Variants in GGA2 observed in about 807,000 individuals in gnomAD.
The protein encoded by GGA2 is golgi associated, gamma adaptin ear containing, ARF binding protein 2, also known as ADP-ribosylation factor-binding protein GGA2.
In GGA2, 48 loss-of-function variants were observed where a neutral mutation model predicts 79.5. The observed-to-expected ratio is 0.60, with a 90% CI of 0.48 to 0.77. GGA2 has a LOEUF of 0.77. Among genes scored for constraint, GGA2 ranks in the 30% least tolerant of loss-of-function variants. The probability of loss-of-function intolerance (pLI) is 0.00; values close to 1 mark genes in which losing one functional copy is unlikely to be tolerated. For missense variants in GGA2, 770 were observed against 774.0 expected (o/e 0.99, Z 0.06); for synonymous variants, 317 against 302.0 (o/e 1.05, Z -0.51).
chr16:23,491,567 G>T, intron 5 of GGA2, 110 bp downstream of exon 5: 2 of 788,694 alleles, frequency 2.5e-6, no homozygotes, highest in Non-Finnish European at 2.0e-6. Flanking sequence ...CAGTGTCTAT[G>T]GTCCTACATA....
chr16:23,464,993 T>C lies in GGA2; in HGVS notation c.*2597A>G, dbSNP rs1464386060. 2 of 292,422 alleles carry C rather than the reference T, an allele frequency of 6.8e-6. No individual in the cohort carries two copies. Among genetic ancestry groups the C allele is most frequent in the Admixed American group, 9.5e-5 (2 of 21,120 alleles). The allele number at this position is 292,422 out of a possible 1,614,324, so 18.1% of individuals were successfully genotyped here. A position where few individuals can be genotyped will look rare whatever the true frequency, so the allele number is the denominator to read the frequency against. ...GAAAAAGAGCAGTCACGGAGGTAGG[T>C]CACGAAATGGGTCAACAGGACCCCC... is the stretch of plus-strand genomic sequence containing the variant. On this transcript the variant is annotated 3_prime_UTR_variant, in exon 17 of 17. Transcript: ENST00000309859.
In GGA2 at chr16:23,463,553, G is replaced by C. The variant is rs969192256; in HGVS notation, c.*4037C>G. On this transcript the variant is annotated 3_prime_UTR_variant, in exon 17 of 17. Transcript: ENST00000309859. ...GACGACACTGAGCATAAAAAAATAA[G>C]GTTTTATTTTCAGCTGATTTTAGAA... is the stretch of plus-strand genomic sequence containing the variant. The C allele has an allele frequency of 2.6e-5, 4 of 152,082 alleles. No homozygotes were observed. Among genetic ancestry groups the C allele is most frequent in the Non-Finnish European group, 5.9e-5 (4 of 68,002 alleles). 9.4% of individuals were successfully genotyped at this position (152,082 alleles called of 1,614,324 possible).
chr16:23,503,737 A>G (rs567939109), intron 1 of GGA2, among the ~76,000 whole-genome samples: 2 of 152,230 alleles, frequency 1.3e-5, no homozygotes, highest in East Asian at 3.9e-4. Context: ...CTATGGGGGG[A>G]AAAAAGATTT....
At chr16:23,472,975 G>C (rs1212128678) in intron 14 of GGA2, among the ~76,000 whole-genome samples, 3 of 146,910 alleles carry the variant, frequency 2.0e-5, no homozygotes, top group African/African-American at 7.5e-5. Flanking sequence ...GAAGCTTGCA[G>C]TGAGCCGAGA....
rs1410742107 is a variant in GGA2, at chr16:23,490,819, ATGTC to A, written c.475+854_475+857del. Among the ~76,000 whole-genome samples, 6 of 152,232 alleles carry A rather than the reference ATGTC, an allele frequency of 3.9e-5. No homozygotes were observed. The East Asian group carries it at 1.2e-3, about 29-fold the overall frequency. On this transcript the variant is annotated intron_variant, in intron 5 of 16. Transcript: ENST00000309859. The stretch of plus-strand genomic sequence containing the variant: ...ATCTTTTGTAACTATAAAATATTTT[ATGTC>A]TGCACGTTGTTACTTTTATCACAAT...
intron 1 of GGA2, among the ~76,000 whole-genome samples, chr16:23,496,714 T>TG: frequency 6.6e-6 from 1 of 152,208 alleles, no homozygotes; most frequent in South Asian, 2.1e-4. Context: ...CCCAGCACTT[T>TG]GGGAAGCCGA....
intron 16 of GGA2, 61 bp from the exon 17 acceptor site, chr16:23,467,761 A>T: frequency 1.2e-6 from 1 of 816,188 alleles, no homozygotes. Flanking sequence ...ACAGGGGTCA[A>T]TGTTAAGTCA....
chr16:23,493,456 C>T lies in GGA2; in HGVS notation c.255G>A (p.Val85=). ...QEKEALYALT[V]LEMCMNHCGE... ...CACAGTGGTTCATGCACATCTCCAGCACCTGCACAGACACAGGACCCCCAG... is the reference window on the plus strand; with the variant it reads ...CACAGTGGTTCATGCACATCTCCAGTACCTGCACAGACACAGGACCCCCAG... The change falls in exon 4 of 17, where the codon GTG becomes GTA. Residue 85 remains valine, a splice_region_variant and synonymous_variant. Transcript: ENST00000309859. 1 of 1,600,658 alleles carries T rather than the reference C, an allele frequency of 6.2e-7. No homozygotes were observed. The highest frequency in any genetic ancestry group is 8.6e-7 in the Non-Finnish European group (1 of 1,167,704).
intron 1 of GGA2, among the ~76,000 whole-genome samples, chr16:23,503,601 C>T (rs144833002): frequency 2.8e-4 from 43 of 152,158 alleles, no homozygotes; most frequent in African/African-American, 9.6e-4. Context: ...ATCTATTATC[C>T]CATCATTGTT....
Position 23,474,993 on chromosome 16 carries a change from G to A in GGA2, c.1361C>T (p.Ser454Phe), listed in dbSNP as rs1242476354. ...AGGAGCCAACGGGCCAGCCTCCCAGGACCAACCTGGAGAGGACTTAGTACC... is the reference window on the plus strand; with the variant it reads ...AGGAGCCAACGGGCCAGCCTCCCAGAACCAACCTGGAGAGGACTTAGTACC... ...PPGTKSSPGW[S>F]WEAGPLAPSP... is the part of the protein sequence containing the mutation. Residue 454 changes from serine (S) to phenylalanine (F), a missense_variant, in exon 14 of 17, where the codon TCC becomes TTC. Transcript: ENST00000309859. 6.2e-7 allele frequency: 1 copy of A among 1,611,096 alleles called. No homozygotes were observed. Among genetic ancestry groups the A allele is most frequent in the Admixed American group, 1.7e-5 (1 of 59,976 alleles).
Position 23,467,644 on chromosome 16 carries a change from G to A in GGA2, c.1788C>T (p.Ser596=), listed in dbSNP as rs752882262. ...LTFNQGGQPF[S]EVGEVKDFPD... Reference sequence around the variant, plus strand: ...GGAAGTCTTTCACTTCTCCTACTTCGCTGAAAGGCTGTCCACCTTGGTTGA... The same window carrying A: ...GGAAGTCTTTCACTTCTCCTACTTCACTGAAAGGCTGTCCACCTTGGTTGA... Residue 596 remains serine, a synonymous_variant, in exon 17 of 17, where the codon AGC becomes AGT. Coordinates refer to ENST00000309859, the MANE Select transcript of GGA2 (RefSeq NM_015044.4). 8 of 1,609,756 alleles carry A rather than the reference G, an allele frequency of 5.0e-6. No homozygotes were observed. Among genetic ancestry groups the A allele is most frequent in the South Asian group, 1.1e-5 (1 of 90,888 alleles).
At chr16:23,491,107 T>TTG (rs907272872) in intron 5 of GGA2, among the ~76,000 whole-genome samples, 4 of 151,236 alleles carry the variant, frequency 2.6e-5, no homozygotes, top group African/African-American at 7.3e-5. Context: ...GTGTGTGTGT[T>TTG]TGTGTGTGTG....
At chr16:23,480,237 G>A in intron 10 of GGA2, 1 of 326,784 alleles carries the variant, frequency 3.1e-6, no homozygotes, top group Non-Finnish European at 5.8e-6. Flanking sequence ...CACACCTCCA[G>A]GCCCAGCTCC....
chr16:23,517,941 T>C (rs542474158), intron 2 of GGA2, among the ~76,000 whole-genome samples: 5 of 151,044 alleles, frequency 3.3e-5, no homozygotes, highest in Admixed American at 6.6e-5. Context: ...TTTTTTGAGA[T>C]GGAGTCTGTC....
In GGA2 at chr16:23,488,721, A is replaced by G. The variant is rs188024837; in HGVS notation, c.476-12T>C. On this transcript the variant is annotated splice_polypyrimidine_tract_variant and intron_variant, in intron 5 of 16. Coordinates refer to ENST00000309859, the MANE Select transcript of GGA2 (RefSeq NM_015044.4). The stretch of plus-strand genomic sequence containing the variant: ...TTGTTTTATAATTCCTAAAAATGCA[A>G]TTTACAAAGTTAAGACACCGATATG... 9.6e-6 allele frequency: 14 copies of G among 1,452,624 alleles called. No individual in the cohort carries two copies. In the East Asian group the frequency reaches 3.2e-4, roughly 33 times the overall value. The allele number at this position is 1,452,624 out of a possible 1,614,324, so 90.0% of individuals were successfully genotyped here.
upstream of GGA2, among the ~76,000 whole-genome samples, chr16:23,513,608 A>T (rs1269400304): frequency 6.6e-6 from 1 of 151,916 alleles, no homozygotes; most frequent in Non-Finnish European, 1.5e-5. Flanking sequence ...ACATGGTGAA[A>T]CCGCGTGTCT....
At chr16:23,494,491 G>A in intron 2 of GGA2, 113 bp from the exon 3 acceptor site, 1 of 776,452 alleles carries the variant, frequency 1.3e-6, no homozygotes, top group Non-Finnish European at 2.3e-6. Context: ...TCCAAAAGCA[G>A]AGGTGGAGCG....
At chr16:23,515,442 C>T (rs1965097469), upstream of GGA2, among the ~76,000 whole-genome samples, 1 of 151,354 alleles carries the variant, frequency 6.6e-6, no homozygotes, top group Non-Finnish European at 1.5e-5. Context: ...ACTAAAAATA[C>T]AAAAATTAGC....
At chr16:23,495,558 A>G in intron 2 of GGA2, 136 bp downstream of exon 2, 1 of 462,518 alleles carries the variant, frequency 2.2e-6, no homozygotes, top group East Asian at 3.2e-5. Flanking sequence ...TGGTCTCCCA[A>G]ACTGTTGGGA....
Sources: gnomAD v4.1 joint callset for allele counts (sites outside exome capture counted in the v4.1 genomes callset) on GRCh38, gnomAD v4.1.1 for gene constraint, MANE v1.5 for transcripts, NCBI Gene and HGNC (gene_info 2026-07-23, HGNC 2026-07-21) for gene names.